DLG2: variants seen among roughly 807,000 people sequenced by gnomAD.
DLG2 encodes discs large MAGUK scaffold protein 2, also known as disks large homolog 2.
A neutral mutation model predicts 132.5 loss-of-function variants in DLG2; 45 were observed. The ratio of observed to expected loss-of-function variants is 0.34; its 90% CI spans 0.27 to 0.44. DLG2 has a LOEUF of 0.44. Ranked by LOEUF, DLG2 falls within the 20% of genes least tolerant of loss-of-function variation. The pLI is 1.00. For missense variants in DLG2, 1,045 were observed against 1,196.9 expected (o/e 0.87, Z 1.87); for synonymous variants, 424 against 419.6 (o/e 1.01, Z -0.13).
At chr11:84,774,424 C>T (rs573411156) in intron 6 of DLG2, among the ~76,000 whole-genome samples, 5 of 151,952 alleles carry the variant, frequency 3.3e-5, no homozygotes, top group Admixed American at 3.3e-4. Flanking sequence ...ATTCTTTTTC[C>T]CAGAATTAAA....
At chr11:84,966,624 T>C (rs1591960137) in intron 6 of DLG2, among the ~76,000 whole-genome samples, 1 of 152,240 alleles carries the variant, frequency 6.6e-6, no homozygotes, top group Middle Eastern at 3.4e-3. Context: ...TTGAAAGATA[T>C]TTTTAGAAAG....
intron 18 of DLG2, among the ~76,000 whole-genome samples, chr11:83,694,005 T>C (rs922705461): frequency 6.6e-6 from 1 of 152,132 alleles, no homozygotes; most frequent in African/African-American, 2.4e-5. Context: ...GATTCCTGAG[T>C]GTTTACTGTG....
At chr11:83,828,677 G>A (rs546936715) in intron 17 of DLG2, among the ~76,000 whole-genome samples, 25 of 152,258 alleles carry the variant, frequency 1.6e-4, no homozygotes, top group Admixed American at 1.6e-3. Context: ...CTGTCCCAAA[G>A]AAGGAACAGC....
intron 26 of DLG2, among the ~76,000 whole-genome samples, chr11:83,463,646 C>T (rs1416958544): frequency 6.6e-6 from 1 of 152,164 alleles, no homozygotes; most frequent in Non-Finnish European, 1.5e-5. Flanking sequence ...CAAACATTAG[C>T]TGGGTATGGT....
intron 18 of DLG2, among the ~76,000 whole-genome samples, chr11:83,782,618 T>C (rs1351584023): frequency 6.6e-6 from 1 of 152,140 alleles, no homozygotes; most frequent in Non-Finnish European, 1.5e-5. Context: ...AAGGCAATTC[T>C]GGGTAGAGGA....
rs188327952 is a variant in DLG2, at chr11:84,006,242, T to G, written c.920-25600A>C. On this transcript the variant is annotated intron_variant, in intron 11 of 27. Transcript: ENST00000376104. ...CAGGTAAAGAATGACAATTATTGCA[T>G]GTTTTCACTTACATGTGGGAGCTAA... 9.9e-5 allele frequency among the ~76,000 whole-genome samples: 15 copies of G among 151,924 alleles called. No homozygotes were observed. In the East Asian group the frequency reaches 2.9e-3, roughly 29 times the overall value.
chr11:84,291,845 C>T (rs1297044346), intron 7 of DLG2, among the ~76,000 whole-genome samples: 1 of 152,262 alleles, frequency 6.6e-6, no homozygotes, highest in African/African-American at 2.4e-5. Flanking sequence ...AAATTTCCAG[C>T]CTAGCTCCTG....
intron 6 of DLG2, among the ~76,000 whole-genome samples, chr11:84,577,131 C>T (rs982359217): frequency 1.3e-5 from 2 of 152,182 alleles, no homozygotes; most frequent in Admixed American, 1.3e-4. Flanking sequence ...TGCCTTTTGC[C>T]TCCCGCCATG....
chr11:85,088,506 G>A (rs1015943961), intron 6 of DLG2, among the ~76,000 whole-genome samples: 2 of 152,130 alleles, frequency 1.3e-5, no homozygotes, highest in African/African-American at 4.8e-5. Flanking sequence ...TGTGATTCAT[G>A]TTACAATAAT....
intron 5 of DLG2, among the ~76,000 whole-genome samples, chr11:85,133,397 G>T (rs1255505614): frequency 6.6e-6 from 1 of 152,136 alleles, no homozygotes; most frequent in Non-Finnish European, 1.5e-5. Flanking sequence ...TGACTCGAAA[G>T]ATATGACTGA....
intron 3 of DLG2, among the ~76,000 whole-genome samples, chr11:85,533,954 T>A (rs984615482): frequency 6.6e-6 from 1 of 152,216 alleles, no homozygotes; most frequent in Non-Finnish European, 1.5e-5. Flanking sequence ...GAACAATATA[T>A]GCCCACTAAA....
At chr11:84,730,706 C>T (rs1227022252) in intron 6 of DLG2, among the ~76,000 whole-genome samples, 1 of 151,940 alleles carries the variant, frequency 6.6e-6, no homozygotes, top group East Asian at 1.9e-4. Context: ...TTATCAGCTC[C>T]CTTTCATCTG....
chr11:84,896,142 C>A (rs2090155996), intron 6 of DLG2, among the ~76,000 whole-genome samples: 1 of 152,032 alleles, frequency 6.6e-6, no homozygotes. Context: ...TTGTTTAAAT[C>A]ATTAGCTTTA....
intron 6 of DLG2, among the ~76,000 whole-genome samples, chr11:84,617,174 C>T (rs1195842288): frequency 6.6e-6 from 1 of 151,694 alleles, no homozygotes; most frequent in Admixed American, 6.6e-5. Flanking sequence ...GTGATGTTCC[C>T]CTCCCTGTGT....
At chr11:84,609,502 T>C (rs1240328797) in intron 6 of DLG2, among the ~76,000 whole-genome samples, 1 of 152,148 alleles carries the variant, frequency 6.6e-6, no homozygotes, top group Non-Finnish European at 1.5e-5. Flanking sequence ...TGCTATCTGA[T>C]GAACTCCAGT....
intron 12 of DLG2, among the ~76,000 whole-genome samples, chr11:83,974,485 A>G (rs561542137): frequency 2.0e-5 from 3 of 152,188 alleles, no homozygotes; most frequent in African/African-American, 7.2e-5. Flanking sequence ...TTACTCTAAG[A>G]AGAAGGCTCC....
chr11:84,219,028 G>A (rs952975502), intron 8 of DLG2, among the ~76,000 whole-genome samples: 2 of 152,072 alleles, frequency 1.3e-5, no homozygotes, highest in Non-Finnish European at 2.9e-5. Context: ...GATGTTCCAA[G>A]GACCATACTT....
chr11:85,345,362 G>A (rs2082762429), intron 3 of DLG2, among the ~76,000 whole-genome samples: 1 of 152,056 alleles, frequency 6.6e-6, no homozygotes, highest in African/African-American at 2.4e-5. Context: ...GAACAGGCAA[G>A]TACATAGGGT....
chr11:85,479,086 C>T, intron 3 of DLG2, among the ~76,000 whole-genome samples: 1 of 152,152 alleles, frequency 6.6e-6, no homozygotes, highest in East Asian at 1.9e-4. Flanking sequence ...AGAAAACAAT[C>T]ATAAAAGACT....
Sources: gnomAD v4.1 joint callset for allele counts (sites outside exome capture counted in the v4.1 genomes callset) on GRCh38, gnomAD v4.1.1 for gene constraint, MANE v1.5 for transcripts, NCBI Gene and HGNC (gene_info 2026-07-23, HGNC 2026-07-21) for gene names.